The following P2RY10 variants were observed in gnomAD, a reference collection of about 807,000 sequenced individuals.
P2RY10 encodes the protein P2Y receptor family member 10.
P2RY10 carries 4 observed loss-of-function variants against 12.1 expected under a neutral mutation model. That is an observed-to-expected ratio of 0.33 (90% CI 0.16 to 0.76). The LOEUF (loss-of-function observed/expected upper bound fraction) is 0.76. Ranked by LOEUF, P2RY10 falls within the 30% of genes least tolerant of loss-of-function variation. The probability of loss-of-function intolerance (pLI) is 0.61; values close to 1 mark genes in which losing one functional copy is unlikely to be tolerated. For missense variants in P2RY10, 233 were observed against 264.6 expected, an observed-to-expected ratio of 0.88 and a Z score of 0.83; for synonymous variants, 112 against 94.1, an observed-to-expected ratio of 1.19 and a Z score of -1.10.
Position 78,952,243 on chromosome X carries a change from T to C in P2RY10, c.-106T>C. 1.3e-6 allele frequency: 1 copy of C among 746,717 alleles called. No individual in the cohort carries two copies. The highest frequency in any genetic ancestry group is 1.6e-6 in the Non-Finnish European group (1 of 632,427). 61.5% of individuals were successfully genotyped at this position (746,717 alleles called of 1,213,427 possible). A position where few individuals can be genotyped will look rare whatever the true frequency, so the allele number is the denominator to read the frequency against. Reference sequence around the variant, plus strand: ...CTTCAGGATTTGGCACTCACCAACATACCCTTCTTTCAAGTGAAAAGGCAT... The same window carrying C: ...CTTCAGGATTTGGCACTCACCAACACACCCTTCTTTCAAGTGAAAAGGCAT... On this transcript the variant is annotated 5_prime_UTR_variant, in exon 3 of 4. Transcript: ENST00000171757.
chrX:78,963,502 G>A lies in P2RY10; in HGVS notation c.*1962G>A, dbSNP rs1295296838. On this transcript the variant is annotated 3_prime_UTR_variant, in exon 4 of 4. Coordinates refer to ENST00000171757, the MANE Select transcript of P2RY10 (RefSeq NM_014499.4). ...CACCCTGCTATGTCTGTGGAGAAAT[G>A]GAACTGCAATCCTCAAGAGTCACAC... 8.9e-6 allele frequency among the ~76,000 whole-genome samples: 1 copy of A among 112,140 alleles called. No homozygotes were observed. Among genetic ancestry groups the A allele is most frequent in the Non-Finnish European group, 1.9e-5 (1 of 53,212 alleles).
chrX:78,959,234 T>C (rs772081517), intron 3 of P2RY10, among the ~76,000 whole-genome samples: 2 of 111,046 alleles, frequency 1.8e-5, no homozygotes, highest in East Asian at 5.7e-4. Flanking sequence ...GGAAGCAAGG[T>C]CCCTTGTCCT....
intron 2 of P2RY10, among the ~76,000 whole-genome samples, chrX:78,951,916 A>ACCCAACAGCT (rs1286311831): frequency 2.7e-5 from 3 of 110,875 alleles, no homozygotes; most frequent in Non-Finnish European, 5.7e-5. Context: ...GCTCTCTCTC[A>ACCCAACAGCT]CCCAACAGCT....
Position 78,962,734 on chromosome X carries a change from A to G in P2RY10, c.*1194A>G, listed in dbSNP as rs1368669012. ...ATAGTTCATTATTTCTAAAAAATGTATATTTTAAGGCATGATACAAGTCCT... is the reference window on the plus strand; with the variant it reads ...ATAGTTCATTATTTCTAAAAAATGTGTATTTTAAGGCATGATACAAGTCCT... On this transcript the variant is annotated 3_prime_UTR_variant, in exon 4 of 4. Transcript: ENST00000171757. Among the ~76,000 whole-genome samples the G allele has an allele frequency of 9.0e-6, 1 of 111,190 alleles. No homozygotes were observed. The highest frequency in any genetic ancestry group is 2.8e-4 in the East Asian group (1 of 3,552).
chrX:78,954,593 G>A (rs1273407677), intron 3 of P2RY10, among the ~76,000 whole-genome samples: 4 of 111,583 alleles, frequency 3.6e-5, no homozygotes, highest in Non-Finnish European at 5.6e-5. Flanking sequence ...AAATGTCTTT[G>A]TTACCTCTTT....
Position 78,962,717 on chromosome X carries a change from T to C in P2RY10, c.*1177T>C. ...GAGTATAGGAAACTCAAATAGTTCATTATTTCTAAAAAATGTATATTTTAA... is the reference window on the plus strand; with the variant it reads ...GAGTATAGGAAACTCAAATAGTTCACTATTTCTAAAAAATGTATATTTTAA... On this transcript the variant is annotated 3_prime_UTR_variant, in exon 4 of 4. Transcript: ENST00000171757. 1.8e-5 allele frequency among the ~76,000 whole-genome samples: 2 copies of C among 111,063 alleles called. No homozygotes were observed. Among genetic ancestry groups the C allele is most frequent in the South Asian group, 7.6e-4 (2 of 2,628 alleles).
At chrX:78,957,623 G>A (rs745836300) in intron 3 of P2RY10, among the ~76,000 whole-genome samples, 2 of 110,661 alleles carry the variant, frequency 1.8e-5, no homozygotes, top group Non-Finnish European at 3.8e-5. Flanking sequence ...TCCTCATCAC[G>A]GGGATTTTAC....
intron 3 of P2RY10, among the ~76,000 whole-genome samples, chrX:78,954,943 A>C (rs1922268169): frequency 8.9e-6 from 1 of 112,048 alleles, no homozygotes; most frequent in Admixed American, 9.4e-5. Flanking sequence ...GGTTAACTTT[A>C]AGTTTATCTC....
At chrX:78,950,515 T>C (rs1449392801) in intron 2 of P2RY10, among the ~76,000 whole-genome samples, 2 of 111,658 alleles carry the variant, frequency 1.8e-5, no homozygotes, top group Non-Finnish European at 3.8e-5. Context: ...GCAAGTCTTG[T>C]CCTATTCAGA....
At chrX:78,959,323 A>G (rs1314435786) in intron 3 of P2RY10, among the ~76,000 whole-genome samples, 2 of 111,008 alleles carry the variant, frequency 1.8e-5, no homozygotes, top group African/African-American at 6.6e-5. Flanking sequence ...GCTTCTATCT[A>G]TATTATGTGG....
chrX:78,960,864 T>G lies in P2RY10; in HGVS notation c.344T>G (p.Leu115Arg). Residue 115 changes from leucine (L) to arginine (R), a missense_variant, in exon 4 of 4, where the codon CTC becomes CGC. Physicochemically the swap from Leu to Arg is moderately radical, Grantham distance 102 (BLOSUM62 -2). Transcript: ENST00000171757. ...CTGCTCTGCTTCTACCTGAAGTATC[T>G]CAACATGTATGCCAGCATTTGTTTC... ...LCLLCFYLKY[L>R]NMYASICFLT... The G allele has an allele frequency of 8.3e-7, 1 of 1,211,258 alleles. No individual in the cohort carries two copies. The highest frequency in any genetic ancestry group is 1.1e-6 in the Non-Finnish European group (1 of 895,220).
intron 3 of P2RY10, among the ~76,000 whole-genome samples, chrX:78,953,615 A>G (rs1922205708): frequency 8.9e-6 from 1 of 111,908 alleles, no homozygotes; most frequent in African/African-American, 3.3e-5. Context: ...AAAATTGCTC[A>G]ATTCCATATC....
At chrX:78,950,274 AG>A (rs1922048138) in intron 2 of P2RY10, among the ~76,000 whole-genome samples, 1 of 111,199 alleles carries the variant, frequency 9.0e-6, no homozygotes, top group Non-Finnish European at 1.9e-5. Context: ...AGCAGGGTTC[AG>A]AGGGGGAATT....
chrX:78,952,083 A>G, intron 2 of P2RY10, 110 bp from the exon 3 acceptor site: 2 of 295,413 alleles, frequency 6.8e-6, no homozygotes, highest in Non-Finnish European at 9.1e-6. Flanking sequence ...TGTCCCTGCA[A>G]AGGAAATGAT....
In P2RY10 at chrX:78,960,847, C is replaced by T; in HGVS notation, c.327C>T (p.Cys109=). 8.3e-7 allele frequency: 1 copy of T among 1,210,767 alleles called. No homozygotes were observed. The part of the protein sequence containing the change: ...WPFQRALCLL[C]FYLKYLNMYA... ...TCCAGAGAGCCCTTTGCCTGCTCTGCTTCTACCTGAAGTATCTCAACATGT... is the reference window on the plus strand; with the variant it reads ...TCCAGAGAGCCCTTTGCCTGCTCTGTTTCTACCTGAAGTATCTCAACATGT... Residue 109 remains cysteine (C), a synonymous_variant, in exon 4 of 4, where the codon TGC becomes TGT. Coordinates refer to ENST00000171757, the MANE Select transcript of P2RY10 (RefSeq NM_014499.4).
At chrX:78,951,788 A>G (rs1449515488) in intron 2 of P2RY10, among the ~76,000 whole-genome samples, 1 of 111,667 alleles carries the variant, frequency 9.0e-6, no homozygotes, top group Non-Finnish European at 1.9e-5. Flanking sequence ...GTTTAGGGGT[A>G]CATGTGCAGG....
At chrX:78,948,560 A>G (rs1038058416) in intron 2 of P2RY10, among the ~76,000 whole-genome samples, 11 of 111,384 alleles carry the variant, frequency 9.9e-5, no homozygotes, top group African/African-American at 3.6e-4. Flanking sequence ...TAGTGCACCC[A>G]CCACCTCAGT....
rs781260102 is a variant in P2RY10, at chrX:78,961,366, C to T, written c.846C>T (p.Ile282=). The T allele has an allele frequency of 7.4e-6, 9 of 1,211,250 alleles. No individual in the cohort carries two copies. The highest frequency in any genetic ancestry group is 1.7e-5 in the African/African-American group (1 of 57,731). ...TIISSCPVVR[I]ALYFHPFCLC... is the part of the protein sequence containing the mutation. ...TTAGCAGTTGTCCCGTTGTCCGAATCGCACTGTATTTCCACCCTTTTTGCC... is the reference window on the plus strand; with the variant it reads ...TTAGCAGTTGTCCCGTTGTCCGAATTGCACTGTATTTCCACCCTTTTTGCC... Residue 282 remains isoleucine (I), a synonymous_variant, in exon 4 of 4, where the codon ATC becomes ATT. Transcript: ENST00000171757.
chrX:78,958,319 T>C (rs944368681), intron 3 of P2RY10, among the ~76,000 whole-genome samples: 2 of 112,074 alleles, frequency 1.8e-5, no homozygotes, highest in East Asian at 5.6e-4. Context: ...AACACAGGAG[T>C]AGAAAACCAA....
Sources: allele counts gnomAD v4.1 joint callset (sites outside exome capture counted in the v4.1 genomes callset), GRCh38; gene constraint gnomAD v4.1.1; transcripts MANE v1.5; gene names NCBI Gene and HGNC (gene_info 2026-07-23, HGNC 2026-07-21).